The following NOL4 variants were observed in gnomAD, a reference collection of about 807,000 sequenced individuals.
NOL4 encodes nucleolar protein 4.
NOL4 carries 17 observed loss-of-function variants against 75.9 expected under a neutral mutation model. The observed-to-expected ratio is 0.22, with a 90% CI of 0.15 to 0.34. The LOEUF is 0.34. Ranked by LOEUF, NOL4 falls within the 10% of genes least tolerant of loss-of-function variation. The pLI, the probability that NOL4 is intolerant of heterozygous loss-of-function variation, is 1.00. For missense variants in NOL4, 614 were observed against 793.5 expected, an observed-to-expected ratio of 0.77 and a Z score of 2.72; for synonymous variants, 292 against 289.9, an observed-to-expected ratio of 1.01 and a Z score of -0.07.
intron 5 of NOL4, among the ~76,000 whole-genome samples, chr18:34,039,931 T>C (rs1197848495): frequency 6.6e-6 from 1 of 152,014 alleles, no homozygotes; most frequent in Non-Finnish European, 1.5e-5. Context: ...CATTTTATTA[T>C]AAACAGGCTT....
chr18:34,091,582 A>G (rs1415974155), intron 5 of NOL4, among the ~76,000 whole-genome samples: 1 of 152,080 alleles, frequency 6.6e-6, no homozygotes, highest in Non-Finnish European at 1.5e-5. Flanking sequence ...TGAGAGATAA[A>G]TTTCTGTTCT....
In NOL4 at chr18:34,019,539, C is replaced by T. The variant is rs1337675344; in HGVS notation, c.835G>A (p.Gly279Arg). ...CCCATCTCCCTGCTGTGTGTTCCCCCTGAAGCAATTGAACTGTGCCCCAGA... is the reference window on the plus strand; with the variant it reads ...CCCATCTCCCTGCTGTGTGTTCCCCTTGAAGCAATTGAACTGTGCCCCAGA... ...ETLGHSSIAS[G>R]GTHSREMGDS... is the part of the protein sequence containing the mutation. The change falls in exon 6 of 11, where the codon GGG (glycine) becomes AGG (arginine). Residue 279 changes from glycine (G) to arginine (R), a missense_variant. Coordinates refer to ENST00000261592, the MANE Select transcript of NOL4 (RefSeq NM_003787.5). 1.4e-5 allele frequency: 23 copies of T among 1,613,924 alleles called. No individual in the cohort carries two copies. The highest frequency in any genetic ancestry group is 1.8e-5 in the Non-Finnish European group (21 of 1,179,984).
chr18:34,126,154 A>C (rs961891641), intron 2 of NOL4, among the ~76,000 whole-genome samples: 1 of 152,210 alleles, frequency 6.6e-6, no homozygotes, highest in Admixed American at 6.5e-5. Context: ...GGAGAGAAGT[A>C]ACACCAATCA....
chr18:33,909,453 C>T (rs1385998150), intron 9 of NOL4, among the ~76,000 whole-genome samples: 1 of 152,150 alleles, frequency 6.6e-6, no homozygotes, highest in Non-Finnish European at 1.5e-5. Context: ...ACGATTACTT[C>T]CTAGGCATTA....
chr18:34,024,192 A>ATAT lies in NOL4; in HGVS notation c.773-4592_773-4591insATA, dbSNP rs1215950663. 3.9e-3 allele frequency among the ~76,000 whole-genome samples: 296 copies of ATAT among 76,146 alleles called. 7 individuals are homozygous for ATAT. The highest frequency in any genetic ancestry group is 0.019 in the South Asian group (60 of 3,086). The allele number at this position is 76,146 out of a possible 152,430, so 50.0% of individuals were successfully genotyped here. A position where few individuals can be genotyped will look rare whatever the true frequency, so the allele number is the denominator to read the frequency against. ...GGCAAAATAAACAGGAAAAAAAAAA[A>ATAT]AAATATATATATATATATATATAAA... On this transcript the variant is annotated intron_variant, in intron 5 of 10. Transcript: ENST00000261592.
At chr18:33,925,545 A>C (rs1024004484) in intron 9 of NOL4, among the ~76,000 whole-genome samples, 1 of 152,194 alleles carries the variant, frequency 6.6e-6, no homozygotes, top group African/African-American at 2.4e-5. Flanking sequence ...AATTAATGAT[A>C]TAAAAATGCA....
intron 1 of NOL4, among the ~76,000 whole-genome samples, chr18:34,131,784 A>C (rs556078924): frequency 4.1e-3 from 627 of 152,274 alleles, no homozygotes; most frequent in Middle Eastern, 0.01. Flanking sequence ...GTATTCAACA[A>C]GGCCCAGATA....
At chr18:34,044,197 G>A (rs1293800755) in intron 5 of NOL4, among the ~76,000 whole-genome samples, 1 of 151,940 alleles carries the variant, frequency 6.6e-6, no homozygotes, top group Non-Finnish European at 1.5e-5. Flanking sequence ...CCAAACAACT[G>A]TTAATTGTTG....
At chr18:33,930,099 A>G (rs1287925590) in intron 9 of NOL4, among the ~76,000 whole-genome samples, 2 of 152,116 alleles carry the variant, frequency 1.3e-5, no homozygotes, top group Non-Finnish European at 2.9e-5. Flanking sequence ...GTTACTAAAT[A>G]TGATATTATG....
At chr18:33,875,665 C>T (rs1470917225) in intron 10 of NOL4, among the ~76,000 whole-genome samples, 1 of 151,994 alleles carries the variant, frequency 6.6e-6, no homozygotes, top group South Asian at 2.1e-4. Context: ...TTTGATTTAT[C>T]TAAGATTAAC....
At chr18:34,008,393 C>G (rs2074173674) in intron 6 of NOL4, among the ~76,000 whole-genome samples, 1 of 151,638 alleles carries the variant, frequency 6.6e-6, no homozygotes, top group Admixed American at 6.6e-5. Context: ...ATCTATCTAT[C>G]TATCTATCTA....
chr18:34,212,738 C>T (rs536879652), intron 1 of NOL4, among the ~76,000 whole-genome samples: 1 of 152,298 alleles, frequency 6.6e-6, no homozygotes, highest in South Asian at 2.1e-4. Context: ...CTACAGTCCC[C>T]ATTATTGTGC....
At chr18:34,153,304 T>C (rs1020646023) in intron 1 of NOL4, among the ~76,000 whole-genome samples, 3 of 151,938 alleles carry the variant, frequency 2.0e-5, no homozygotes, top group African/African-American at 7.2e-5. Context: ...GTCTCTTAAA[T>C]GTCCTTAATT....
intron 1 of NOL4, among the ~76,000 whole-genome samples, chr18:34,143,201 C>CA (rs1292116679): frequency 4.6e-5 from 7 of 151,950 alleles, no homozygotes; most frequent in Non-Finnish European, 7.4e-5. Flanking sequence ...GTGGCTCAAC[C>CA]AATACTACAG....
At chr18:33,984,118 C>A (rs2072233431) in intron 6 of NOL4, among the ~76,000 whole-genome samples, 1 of 151,958 alleles carries the variant, frequency 6.6e-6, no homozygotes, top group Admixed American at 6.6e-5. Flanking sequence ...AAAATGTTTT[C>A]TTGATTAGGG....
At chr18:34,062,335 G>A (rs1169015985) in intron 5 of NOL4, among the ~76,000 whole-genome samples, 1 of 152,032 alleles carries the variant, frequency 6.6e-6, no homozygotes, top group Admixed American at 6.6e-5. Context: ...CATAATAAGA[G>A]ATATTAGTTA....
intron 9 of NOL4, among the ~76,000 whole-genome samples, chr18:33,897,041 A>T (rs1237429493): frequency 6.6e-6 from 1 of 152,174 alleles, no homozygotes; most frequent in Non-Finnish European, 1.5e-5. Context: ...TCATTAGAGA[A>T]ATGCAAATCA....
chr18:33,943,303 AC>A (rs1440342436), intron 8 of NOL4, 125 bp from the exon 9 acceptor site: 1 of 634,022 alleles, frequency 1.6e-6, no homozygotes, highest in Non-Finnish European at 2.7e-6. Flanking sequence ...TTTCAACTGA[AC>A]TTGTTTCAAT....
intron 5 of NOL4, among the ~76,000 whole-genome samples, chr18:34,037,114 C>T (rs1368242465): frequency 6.6e-6 from 1 of 152,104 alleles, no homozygotes; most frequent in Admixed American, 6.6e-5. Flanking sequence ...AAAATCAGTA[C>T]CATTTCTGTA....
Sources: allele counts gnomAD v4.1 joint callset (sites outside exome capture counted in the v4.1 genomes callset), GRCh38; gene constraint gnomAD v4.1.1; transcripts MANE v1.5; gene names NCBI Gene and HGNC (gene_info 2026-07-23, HGNC 2026-07-21).